Variants in RB1CC1 observed in about 807,000 individuals in gnomAD.
RB1CC1 encodes RB1 inducible coiled-coil 1.
Under a neutral mutation model 177.5 loss-of-function variants are expected in RB1CC1, and 46 were observed. The ratio of observed to expected loss-of-function variants is 0.26; its 90% CI spans 0.20 to 0.33. The LOEUF (loss-of-function observed/expected upper bound fraction) is 0.33, where lower values mean the gene tolerates loss of function less well. Among genes scored for constraint, RB1CC1 ranks in the 10% least tolerant of loss-of-function variants. The pLI is 1.00. For missense variants in RB1CC1, 1,703 were observed against 1,816.3 expected, an observed-to-expected ratio of 0.94 and a Z score of 1.13; for synonymous variants, 666 against 613.6, an observed-to-expected ratio of 1.09 and a Z score of -1.26.
chr8:52,655,178 A>C (rs1850968979), intron 15 of RB1CC1, among the ~76,000 whole-genome samples: 1 of 152,138 alleles, frequency 6.6e-6, no homozygotes, highest in Non-Finnish European at 1.5e-5. Flanking sequence ...TTCTAATTTT[A>C]AGCCAAAAGG....
chr8:52,697,860 G>A (rs1219202578), intron 1 of RB1CC1, among the ~76,000 whole-genome samples: 3 of 152,280 alleles, frequency 2.0e-5, no homozygotes, highest in Non-Finnish European at 2.9e-5. Flanking sequence ...GGTGTTTGTA[G>A]AGGTAGGTAA....
chr8:52,710,736 TAA>T (rs1856992677), intron 1 of RB1CC1, among the ~76,000 whole-genome samples: 1 of 152,036 alleles, frequency 6.6e-6, no homozygotes, highest in Non-Finnish European at 1.5e-5. Context: ...TAGAATTATA[TAA>T]GACAGGGAAA....
chr8:52,642,210 T>C, intron 18 of RB1CC1, 141 bp downstream of exon 18: 2 of 1,143,232 alleles, frequency 1.7e-6, no homozygotes, highest in Non-Finnish European at 2.4e-6. Flanking sequence ...ACACTTACAG[T>C]TTAAAGAATT....
chr8:52,630,672 T>A, intron 20 of RB1CC1, 144 bp from the exon 21 acceptor site: 1 of 726,002 alleles, frequency 1.4e-6, no homozygotes, highest in Non-Finnish European at 2.0e-6. Flanking sequence ...TTATGTTCAT[T>A]AATAATTCCT....
intron 23 of RB1CC1, 55 bp from the exon 24 acceptor site, chr8:52,623,914 TCTCA>T: frequency 8.9e-7 from 1 of 1,127,060 alleles, no homozygotes. Flanking sequence ...CATCTCTCTC[TCTCA>T]CACACACACA....
chr8:52,632,613 A>T (rs1848848341), intron 20 of RB1CC1, among the ~76,000 whole-genome samples: 1 of 152,178 alleles, frequency 6.6e-6, no homozygotes, highest in African/African-American at 2.4e-5. Flanking sequence ...TGAAAGTGTG[A>T]TTTACATTTG....
chr8:52,674,526 T>C (rs967075580), intron 6 of RB1CC1, among the ~76,000 whole-genome samples: 9 of 152,170 alleles, frequency 5.9e-5, no homozygotes, highest in African/African-American at 2.2e-4. Context: ...GCCAGCACTT[T>C]GGGAGGTGGA....
chr8:52,666,481 G>A (rs1370629907), intron 8 of RB1CC1, among the ~76,000 whole-genome samples: 1 of 150,942 alleles, frequency 6.6e-6, no homozygotes, highest in African/African-American at 2.4e-5. Context: ...TAGCGCCACT[G>A]CACTCTAGTC....
At chr8:52,706,578 A>G (rs1856570747) in intron 1 of RB1CC1, among the ~76,000 whole-genome samples, 1 of 151,468 alleles carries the variant, frequency 6.6e-6, no homozygotes, top group Non-Finnish European at 1.5e-5. Context: ...TAAAAATACA[A>G]AAAATTAGCC....
At position 52,624,709 on chromosome 8, in the gene RB1CC1, GT is replaced by G; in HGVS notation, c.4707+7del. 2.5e-6 allele frequency: 4 copies of G among 1,576,936 alleles called. No individual in the cohort carries two copies. The highest frequency in any genetic ancestry group is 3.5e-6 in the Non-Finnish European group (4 of 1,148,502). ...CCCAGGCTTAGTATCACATGATGTC[GT>G]TTTTACCTTTTTGGCTTGACAGTAT... On this transcript the variant is annotated splice_region_variant and intron_variant, in intron 23 of 23. Transcript: ENST00000025008.
At chr8:52,632,736 C>G (rs1848856999) in intron 20 of RB1CC1, among the ~76,000 whole-genome samples, 1 of 152,080 alleles carries the variant, frequency 6.6e-6, no homozygotes, top group Non-Finnish European at 1.5e-5. Flanking sequence ...GGAGGTCAAG[C>G]TGGGAACTAC....
rs762142391 is a variant in RB1CC1, at chr8:52,635,006, T to C, written c.4393-38A>G. The C allele has an allele frequency of 1.2e-4, 183 of 1,540,466 alleles. No homozygotes were observed. The Admixed American group carries it at 3.3e-3, about 28-fold the overall frequency. ...AAAAGAGACCTGTGGTTTATCCTTG[T>C]ACCTACTCAAATAAATCTAAACAGT... On this transcript the variant is annotated intron_variant, in intron 19 of 23. Coordinates refer to ENST00000025008, the MANE Select transcript of RB1CC1 (RefSeq NM_014781.5).
rs780421018 is a variant in RB1CC1, at chr8:52,660,550, T to G, written c.1689+46A>C. The G allele has an allele frequency of 8.7e-6, 13 of 1,492,050 alleles. No individual in the cohort carries two copies. The African/African-American group carries it at 1.9e-4, about 21-fold the overall frequency. The allele number at this position is 1,492,050 out of a possible 1,614,324, so 92.4% of individuals were successfully genotyped here. On this transcript the variant is annotated intron_variant, in intron 12 of 23. Transcript: ENST00000025008. The stretch of plus-strand genomic sequence containing the variant: ...ATGTCTCTACTTCTGGAAAAAAGGT[T>G]TTAAAACATATGGAATTTAGTCATG...
chr8:52,647,668 G>A (rs1850174271), intron 15 of RB1CC1, among the ~76,000 whole-genome samples: 1 of 152,096 alleles, frequency 6.6e-6, no homozygotes, highest in Non-Finnish European at 1.5e-5. Context: ...AAACTTTTAG[G>A]AATAAAAAAT....
intron 7 of RB1CC1, among the ~76,000 whole-genome samples, chr8:52,668,814 A>C (rs1049838554): frequency 2.0e-5 from 3 of 152,192 alleles, no homozygotes; most frequent in African/African-American, 7.2e-5. Context: ...AAAAACTACC[A>C]ATGACCTTGC....
intron 7 of RB1CC1, among the ~76,000 whole-genome samples, chr8:52,668,723 C>T (rs1852295080): frequency 6.6e-6 from 1 of 152,114 alleles, no homozygotes; most frequent in Non-Finnish European, 1.5e-5. Flanking sequence ...ATAAAATTTT[C>T]CGATAATGCT....
chr8:52,622,498 AG>A lies in RB1CC1; in HGVS notation c.*1283del, dbSNP rs1590888652. On this transcript the variant is annotated 3_prime_UTR_variant, in exon 24 of 24. Coordinates refer to ENST00000025008, the MANE Select transcript of RB1CC1 (RefSeq NM_014781.5). ...ATTTATTCATTAACTTGTCAAATTC[AG>A]TTTTCTATACACTATGATGTTTATT... 6.6e-6 allele frequency: 1 copy of A among 151,796 alleles called. No homozygotes were observed. The highest frequency in any genetic ancestry group is 1.5e-5 in the Non-Finnish European group (1 of 67,612). The allele number at this position is 151,796 out of a possible 1,614,324, so 9.4% of individuals were successfully genotyped here.
intron 12 of RB1CC1, 48 bp downstream of exon 12, chr8:52,660,548 G>A (rs758550510): frequency 6.8e-7 from 1 of 1,474,952 alleles, no homozygotes. Context: ...TGGAAAAAAG[G>A]TTTTAAAACA....
At chr8:52,661,918 T>A (rs1438034973) in intron 8 of RB1CC1, among the ~76,000 whole-genome samples, 199 bp from the exon 9 acceptor site, 1 of 152,020 alleles carries the variant, frequency 6.6e-6, no homozygotes, top group Non-Finnish European at 1.5e-5. Context: ...CCTATGCTCA[T>A]CTTTAATTTT....
Sources: gnomAD v4.1 joint callset for allele counts (sites outside exome capture counted in the v4.1 genomes callset) on GRCh38, gnomAD v4.1.1 for gene constraint, MANE v1.5 for transcripts, NCBI Gene and HGNC (gene_info 2026-07-23, HGNC 2026-07-21) for gene names.